The following IL20RA variants were observed in gnomAD, a reference collection of about 807,000 sequenced individuals.
IL20RA encodes interleukin-20 receptor subunit alpha.
IL20RA carries 29 observed loss-of-function variants against 36.5 expected under a neutral mutation model. That is an observed-to-expected ratio of 0.79 (90% CI 0.59 to 1.08). The LOEUF is 1.08. IL20RA is among the 50% of genes least tolerant of loss of function. The pLI is 0.00. For missense variants in IL20RA, 652 were observed against 668.4 expected, an observed-to-expected ratio of 0.98 and a Z score of 0.27; for synonymous variants, 279 against 267.1, an observed-to-expected ratio of 1.04 and a Z score of -0.43.
intron 6 of IL20RA, among the ~76,000 whole-genome samples, chr6:137,003,158 G>A (rs1001255674): frequency 6.6e-6 from 1 of 152,118 alleles, no homozygotes; most frequent in Non-Finnish European, 1.5e-5. Flanking sequence ...AAAATCACAG[G>A]TGGTCAATTC....
intron 1 of IL20RA, among the ~76,000 whole-genome samples, chr6:137,042,251 TAGG>T (rs34881292): frequency 0.25 from 38,319 of 151,810 alleles, 5,120 homozygotes; most frequent in South Asian, 0.35. Flanking sequence ...TAGCAGGAAT[TAGG>T]TGGTGTGAGA....
At chr6:137,004,174 T>TTTTTTTTTTTTTTTTTTTTTTTTTTG (rs1562228088) in intron 6 of IL20RA, among the ~76,000 whole-genome samples, 6 of 124,448 alleles carry the variant, frequency 4.8e-5, no homozygotes, top group African/African-American at 6.3e-5. Flanking sequence ...TTTTTTTTTT[T>TTTTTTTTTTTTTTTTTTTTTTTTTTG]TTTTTTTTTT....
At chr6:137,009,154 C>A in intron 4 of IL20RA, 163 bp downstream of exon 4, 1 of 669,070 alleles carries the variant, frequency 1.5e-6, no homozygotes, top group Middle Eastern at 2.6e-4. Flanking sequence ...GAAGTTAGTT[C>A]TGTAAAATTT....
intron 1 of IL20RA, among the ~76,000 whole-genome samples, chr6:137,028,414 TAAAAAAA>T (rs36068116): frequency 2.6e-5 from 3 of 117,288 alleles, no homozygotes; most frequent in African/African-American, 6.5e-5. Flanking sequence ...AGACTCCATC[TAAAAAAA>T]AAAAAAAAAA....
chr6:137,031,062 T>A (rs1776261707), intron 1 of IL20RA, among the ~76,000 whole-genome samples: 1 of 152,364 alleles, frequency 6.6e-6, no homozygotes, highest in East Asian at 1.9e-4. Flanking sequence ...TGTTATTATA[T>A]GAATAACTGC....
At position 137,017,001 on chromosome 6, in the gene IL20RA, C is replaced by G. The variant is rs1775715200; in HGVS notation, c.191G>C (p.Gly64Ala). ...LQWTPPEGLQ[G>A]VKVTYTVQYF... ...CTGCACAGTGTAAGTAACTTTAACT[C>G]CTTGAAGACCCTCTGGTGGAGTCCA... The change falls in exon 2 of 7, where the codon GGA (glycine) becomes GCA (alanine). Residue 64 changes from glycine (G) to alanine (A), a missense_variant. Transcript: ENST00000316649. 6.2e-7 allele frequency: 1 copy of G among 1,613,550 alleles called. No homozygotes were observed. The highest frequency in any genetic ancestry group is 1.1e-5 in the South Asian group (1 of 91,062).
At chr6:137,036,601 G>A (rs1039089972) in intron 1 of IL20RA, among the ~76,000 whole-genome samples, 2 of 152,066 alleles carry the variant, frequency 1.3e-5, no homozygotes, top group African/African-American at 4.8e-5. Flanking sequence ...ACAAGCCAAG[G>A]GGTGCCTAAG....
At chr6:137,015,718 C>CATG (rs1207528440) in intron 2 of IL20RA, among the ~76,000 whole-genome samples, 3 of 152,124 alleles carry the variant, frequency 2.0e-5, no homozygotes, top group Non-Finnish European at 4.4e-5. Flanking sequence ...AGAGCAGTGG[C>CATG]ATGATCTCAG....
chr6:137,036,872 A>T (rs1225793380), intron 1 of IL20RA, among the ~76,000 whole-genome samples: 1 of 152,234 alleles, frequency 6.6e-6, no homozygotes, highest in Non-Finnish European at 1.5e-5. Flanking sequence ...AGAAAAATGA[A>T]TGCTCTAAGA....
chr6:137,008,990 T>C, intron 4 of IL20RA: 1 of 539,708 alleles, frequency 1.9e-6, no homozygotes, highest in East Asian at 2.9e-5. Flanking sequence ...ATAGAGTTCT[T>C]ATTCATTGTC....
At chr6:137,008,567 T>G in intron 5 of IL20RA, 32 bp downstream of exon 5, 1 of 1,565,636 alleles carries the variant, frequency 6.4e-7, no homozygotes, top group South Asian at 1.2e-5. Context: ...CAGATCTCCT[T>G]CCTAGACCAG....
Position 137,001,722 on chromosome 6 carries a change from C to T in IL20RA, c.1498G>A (p.Asp500Asn), listed in dbSNP as rs778260609. The T allele has an allele frequency of 7.4e-6, 12 of 1,613,906 alleles. No homozygotes were observed. In the East Asian group the frequency reaches 2.5e-4, roughly 33 times the overall value. Residue 500 changes from aspartate to asparagine, a missense_variant, in exon 7 of 7, where the codon GAT becomes AAT. Coordinates refer to ENST00000316649, the MANE Select transcript of IL20RA (RefSeq NM_014432.4). ...CIPSLSSFDQ[D>N]SEGCEPSEGD... is the part of the protein sequence containing the mutation. ...TCAGAAGGCTCGCAGCCCTCTGAAT[C>T]CTGGTCGAAGCTGGACAGCGAAGGA...
chr6:137,003,793 C>T lies in IL20RA; in HGVS notation c.864+828G>A, dbSNP rs140509733. On this transcript the variant is annotated intron_variant, in intron 6 of 6. Transcript: ENST00000316649. ...AGTCTCATCTTCTTCTCTAGCTCCT[C>T]ATCTGGAGCCTCCTTGTTTAGGGGT... 1.5e-3 allele frequency among the ~76,000 whole-genome samples: 222 copies of T among 152,288 alleles called. 1 individual carries two copies. The highest frequency in any genetic ancestry group is 5.2e-3 in the African/African-American group (215 of 41,560).
chr6:137,035,403 C>CATT (rs1776457728), intron 1 of IL20RA, among the ~76,000 whole-genome samples: 1 of 152,188 alleles, frequency 6.6e-6, no homozygotes. Context: ...TGCCTGACAC[C>CATT]ATTATTAGAT....
intron 1 of IL20RA, among the ~76,000 whole-genome samples, chr6:137,039,874 G>A (rs1016810091): frequency 5.9e-5 from 9 of 152,012 alleles, no homozygotes; most frequent in African/African-American, 2.2e-4. Context: ...GCATGAGGGG[G>A]AACCCAAATT....
intron 1 of IL20RA, among the ~76,000 whole-genome samples, chr6:137,041,533 A>G (rs933298650): frequency 2.6e-5 from 4 of 152,208 alleles, no homozygotes; most frequent in Admixed American, 6.5e-5. Context: ...TTAGTTCACT[A>G]GAATCATTTA....
chr6:137,008,598 C>T lies in IL20RA; in HGVS notation c.724+1G>A. Reference sequence around the variant, plus strand: ...ACCAGCAAAGATTTTTTAAAGCTTACCTTTCAAAGTCCTGGCACACTGCTT... The same window carrying T: ...ACCAGCAAAGATTTTTTAAAGCTTATCTTTCAAAGTCCTGGCACACTGCTT... On this transcript the variant is annotated splice_donor_variant, in intron 5 of 6. Transcript: ENST00000316649. LOFTEE classifies it high-confidence loss of function. 1 of 1,583,822 alleles carries T rather than the reference C, an allele frequency of 6.3e-7. No individual in the cohort carries two copies. Among genetic ancestry groups the T allele is most frequent in the Non-Finnish European group, 8.6e-7 (1 of 1,166,284 alleles).
chr6:137,017,179 C>A, intron 1 of IL20RA, 76 bp from the exon 2 acceptor site: 1 of 1,200,274 alleles, frequency 8.3e-7, no homozygotes. Context: ...AGCTAGTCTC[C>A]AGAGATGGCC....
intron 1 of IL20RA, among the ~76,000 whole-genome samples, chr6:137,043,383 A>T (rs184882651): frequency 6.6e-6 from 1 of 152,198 alleles, no homozygotes; most frequent in African/African-American, 2.4e-5. Context: ...TTAGGATTAC[A>T]GGTGTGAGCC....
Sources: allele counts gnomAD v4.1 joint callset (sites outside exome capture counted in the v4.1 genomes callset), GRCh38; gene constraint gnomAD v4.1.1; transcripts MANE v1.5; gene names NCBI Gene and HGNC (gene_info 2026-07-23, HGNC 2026-07-21).